AOAH: variants seen among roughly 807,000 people sequenced by gnomAD.
AOAH encodes the protein acyloxyacyl hydrolase.
A neutral mutation model predicts 92.2 loss-of-function variants in AOAH; 64 were observed. The ratio of observed to expected loss-of-function variants is 0.69; its 90% CI spans 0.57 to 0.86. The LOEUF is 0.86. AOAH is among the 40% of genes least tolerant of loss of function. AOAH has a pLI of 0.00. For missense variants in AOAH, 656 were observed against 694.6 expected (o/e 0.94, Z 0.62); for synonymous variants, 263 against 254.5 (o/e 1.03, Z -0.32).
intron 19 of AOAH, among the ~76,000 whole-genome samples, chr7:36,522,752 G>A (rs1784169245): frequency 6.6e-6 from 1 of 152,144 alleles, no homozygotes; most frequent in Admixed American, 6.5e-5. Flanking sequence ...CAGTCAGTAA[G>A]AACTCCTCAA....
intron 4 of AOAH, among the ~76,000 whole-genome samples, chr7:36,656,196 TG>T (rs1445046886): frequency 3.9e-5 from 6 of 152,162 alleles, no homozygotes; most frequent in Non-Finnish European, 5.9e-5. Flanking sequence ...AAAAGATGAT[TG>T]GGGGAATTCT....
At chr7:36,634,642 C>CAAAA (rs1331148866) in intron 5 of AOAH, among the ~76,000 whole-genome samples, 1 of 152,164 alleles carries the variant, frequency 6.6e-6, no homozygotes, top group East Asian at 1.9e-4. Context: ...TACACTACAA[C>CAAAA]ATTGACAGCA....
At chr7:36,537,527 G>C (rs937073880) in intron 16 of AOAH, among the ~76,000 whole-genome samples, 1 of 95,900 alleles carries the variant, frequency 1.0e-5, no homozygotes, top group Non-Finnish European at 2.4e-5. Context: ...TTTTTTGTTT[G>C]TTTGTTTTGA....
chr7:36,536,949 CAAAAAAAAA>C (rs11441171), intron 16 of AOAH, among the ~76,000 whole-genome samples: 17 of 47,464 alleles, frequency 3.6e-4, no homozygotes, highest in African/African-American at 7.8e-4. Context: ...GACTTCATCT[CAAAAAAAAA>C]AAAAAAAAAA....
chr7:36,548,566 G>A (rs769512280), intron 15 of AOAH, 46 bp downstream of exon 15: 3 of 1,524,120 alleles, frequency 2.0e-6, no homozygotes, highest in African/African-American at 1.4e-5. Context: ...GTGGGGAAGA[G>A]CCCAGAGCCA....
At chr7:36,719,033 G>T (rs965012530) in intron 1 of AOAH, among the ~76,000 whole-genome samples, 6 of 152,118 alleles carry the variant, frequency 3.9e-5, no homozygotes, top group Non-Finnish European at 7.4e-5. Flanking sequence ...CATAATTAAA[G>T]CGAGGAATAA....
chr7:36,723,699 G>A (rs935565182), intron 1 of AOAH, among the ~76,000 whole-genome samples: 3 of 152,132 alleles, frequency 2.0e-5, no homozygotes, highest in Non-Finnish European at 2.9e-5. Flanking sequence ...TGAGGTCAAA[G>A]CCCATGAAAA....
chr7:36,718,828 G>T (rs910684163), intron 1 of AOAH, among the ~76,000 whole-genome samples: 2 of 152,150 alleles, frequency 1.3e-5, no homozygotes, highest in Non-Finnish European at 2.9e-5. Flanking sequence ...TGGATTTTTG[G>T]GGGGAGCAGT....
At chr7:36,538,099 C>T (rs1440475583) in intron 16 of AOAH, among the ~76,000 whole-genome samples, 1 of 150,346 alleles carries the variant, frequency 6.7e-6, no homozygotes, top group Non-Finnish European at 1.5e-5. Flanking sequence ...GCGATCTCGG[C>T]TCACTGCAAC....
chr7:36,524,047 C>T (rs1170410612), intron 19 of AOAH, among the ~76,000 whole-genome samples: 1 of 152,088 alleles, frequency 6.6e-6, no homozygotes, highest in African/African-American at 2.4e-5. Context: ...CCATCCCCTC[C>T]GTGACTTCAG....
intron 12 of AOAH, among the ~76,000 whole-genome samples, chr7:36,582,741 T>C (rs1489491878): frequency 6.6e-6 from 1 of 152,086 alleles, no homozygotes; most frequent in Non-Finnish European, 1.5e-5. Context: ...AAAAATGGAG[T>C]TCTTCCAAAG....
chr7:36,710,440 A>G (rs1798693131), intron 1 of AOAH, among the ~76,000 whole-genome samples: 1 of 152,216 alleles, frequency 6.6e-6, no homozygotes, highest in African/African-American at 2.4e-5. Context: ...AACTGCAAGG[A>G]ACCGTATTCT....
chr7:36,691,833 G>A (rs1797417215), intron 1 of AOAH, among the ~76,000 whole-genome samples: 1 of 152,114 alleles, frequency 6.6e-6, no homozygotes, highest in Admixed American at 6.6e-5. Context: ...TTGTAACTGA[G>A]TCCTCCAACA....
intron 2 of AOAH, among the ~76,000 whole-genome samples, 184 bp from the exon 3 acceptor site, chr7:36,674,193 T>C (rs1223951285): frequency 6.6e-6 from 1 of 152,242 alleles, no homozygotes; most frequent in Non-Finnish European, 1.5e-5. Flanking sequence ...ATCTCAGGTT[T>C]ATGTGAATGC....
chr7:36,624,002 C>T (rs1283712202), intron 6 of AOAH, among the ~76,000 whole-genome samples: 1 of 152,202 alleles, frequency 6.6e-6, no homozygotes, highest in East Asian at 1.9e-4. Flanking sequence ...CTCCATAGGG[C>T]ATACGCTGTA....
At chr7:36,579,517 T>TAC (rs1242921852) in intron 12 of AOAH, among the ~76,000 whole-genome samples, 3 of 152,104 alleles carry the variant, frequency 2.0e-5, no homozygotes, top group Non-Finnish European at 4.4e-5. Flanking sequence ...GGAATGAATA[T>TAC]ATATATATAT....
At chr7:36,605,818 A>G (rs1790960185) in intron 11 of AOAH, among the ~76,000 whole-genome samples, 1 of 152,202 alleles carries the variant, frequency 6.6e-6, no homozygotes, top group South Asian at 2.1e-4. Context: ...TGGCCTGTTC[A>G]TGAACAGGGA....
intron 4 of AOAH, among the ~76,000 whole-genome samples, chr7:36,647,672 C>G (rs543199205): frequency 6.6e-6 from 1 of 152,096 alleles, no homozygotes; most frequent in Non-Finnish European, 1.5e-5. Flanking sequence ...AGTCTTAATA[C>G]AAGTTTAAGT....
At chr7:36,538,148 C>T (rs1175193115) in intron 16 of AOAH, among the ~76,000 whole-genome samples, 1 of 151,626 alleles carries the variant, frequency 6.6e-6, no homozygotes. Context: ...CTGCTTCAGT[C>T]TCCTGAGTAG....
Sources: gnomAD v4.1 joint callset for allele counts (sites outside exome capture counted in the v4.1 genomes callset) on GRCh38, gnomAD v4.1.1 for gene constraint, MANE v1.5 for transcripts, NCBI Gene and HGNC (gene_info 2026-07-23, HGNC 2026-07-21) for gene names.